Variants in MCC observed in about 807,000 individuals in gnomAD.
The protein encoded by MCC is colorectal mutant cancer protein.
A neutral mutation model predicts 116.2 loss-of-function variants in MCC; 90 were observed. The ratio of observed to expected loss-of-function variants is 0.77; its 90% confidence interval spans 0.65 to 0.92. The LOEUF is 0.92. Ranked by LOEUF, MCC falls within the 40% of genes least tolerant of loss-of-function variation. The pLI, the probability that MCC is intolerant of heterozygous loss-of-function variation, is 0.00. For missense variants in MCC, 1,516 were observed against 1,312.2 expected (o/e 1.16, Z -2.40); for synonymous variants, 578 against 510.5 (o/e 1.13, Z -1.78).
At chr5:113,175,290 C>T (rs1237067962) in intron 3 of MCC, among the ~76,000 whole-genome samples, 1 of 152,182 alleles carries the variant, frequency 6.6e-6, no homozygotes, top group African/African-American at 2.4e-5. Context: ...TTAGAACATA[C>T]TTGAGATGGT....
At chr5:113,169,967 C>T (rs1581194453) in intron 3 of MCC, among the ~76,000 whole-genome samples, 1 of 152,294 alleles carries the variant, frequency 6.6e-6, no homozygotes, top group Non-Finnish European at 1.5e-5. Flanking sequence ...CTTCACATTG[C>T]TTAAATAAAG....
chr5:113,218,641 A>G (rs767347993), intron 3 of MCC, among the ~76,000 whole-genome samples: 6 of 152,212 alleles, frequency 3.9e-5, no homozygotes, highest in African/African-American at 1.4e-4. Flanking sequence ...AGAAAAGCAA[A>G]TAAGTCTCAG....
At chr5:113,433,353 G>C in intron 1 of MCC, 2 of 411,594 alleles carry the variant, frequency 4.9e-6, no homozygotes, top group South Asian at 4.3e-5. Context: ...ACTGCCCCGG[G>C]GACGATGAAA....
At position 113,385,001 on chromosome 5, in the gene MCC, C is replaced by A. The variant is rs552695214; in HGVS notation, c.382G>T (p.Ala128Ser). 3.7e-6 allele frequency: 6 copies of A among 1,614,094 alleles called. No individual in the cohort carries two copies. The highest frequency in any genetic ancestry group is 5.1e-6 in the Non-Finnish European group (6 of 1,180,052). ...TTGTCACTGCTCGTGGGCCAGGAAG[C>A]AATTCTATCCCTCAGCTTCTTTGTA... ...SCTKKLRDRI[A>S]SWPTSSDNSL... Residue 128 changes from alanine to serine, a missense_variant, in exon 2 of 19, where the codon GCT (alanine) becomes TCT (serine). Ala to Ser is a moderately conservative substitution (Grantham distance 99). Transcript: ENST00000408903.
chr5:113,162,221 G>T (rs147820206), intron 3 of MCC, among the ~76,000 whole-genome samples: 1 of 152,282 alleles, frequency 6.6e-6, no homozygotes, highest in African/African-American at 2.4e-5. Context: ...TGAAGAGAAT[G>T]GGAAAGAGAT....
At chr5:113,278,769 C>T (rs988115458) in intron 3 of MCC, among the ~76,000 whole-genome samples, 8 of 152,030 alleles carry the variant, frequency 5.3e-5, no homozygotes, top group Non-Finnish European at 1.0e-4. Context: ...CTGGGTACCT[C>T]GAAATGAAGG....
intron 3 of MCC, among the ~76,000 whole-genome samples, chr5:113,212,583 T>C (rs1231389868): frequency 6.6e-6 from 1 of 152,252 alleles, no homozygotes; most frequent in African/African-American, 2.4e-5. Flanking sequence ...GCCACGTTTA[T>C]TGTACAATGC....
At chr5:113,396,862 A>G (rs10074346) in intron 1 of MCC, among the ~76,000 whole-genome samples, 10,213 of 152,236 alleles carry the variant, frequency 0.067, 747 homozygotes, top group African/African-American at 0.18. Flanking sequence ...CTTTTGATCA[A>G]CCAGAAGCCC....
intron 3 of MCC, among the ~76,000 whole-genome samples, chr5:113,266,992 C>T (rs1181516640): frequency 3.3e-5 from 5 of 152,124 alleles, no homozygotes; most frequent in Admixed American, 2.0e-4. Context: ...TGGCCTCGGG[C>T]AAATAATAAA....
chr5:113,171,593 G>A (rs1189944515), intron 3 of MCC, among the ~76,000 whole-genome samples: 2 of 152,032 alleles, frequency 1.3e-5, no homozygotes, highest in Admixed American at 6.6e-5. Flanking sequence ...GGCCTCAAGT[G>A]ATCAGCCCAT....
rs980892864 is a variant in MCC, at chr5:113,448,044, A to G, written c.170+40201T>C. The G allele has an allele frequency of 2.0e-5, 3 of 152,286 alleles. No individual in the cohort carries two copies. In the East Asian group the frequency reaches 5.8e-4, roughly 29 times the overall value. 9.4% of individuals were successfully genotyped at this position (152,286 alleles called of 1,614,324 possible). On this transcript the variant is annotated intron_variant, in intron 1 of 18. Transcript: ENST00000408903. Reference sequence around the variant, plus strand: ...GAGAAGGGAAAAGAAAATGAGAACTACCTTGGAAACAACAGTATTGAAAGT... The same window carrying G: ...GAGAAGGGAAAAGAAAATGAGAACTGCCTTGGAAACAACAGTATTGAAAGT...
chr5:113,442,369 T>C (rs899070912), intron 1 of MCC, among the ~76,000 whole-genome samples: 3 of 152,208 alleles, frequency 2.0e-5, no homozygotes, highest in African/African-American at 7.2e-5. Context: ...TGTAAATTTG[T>C]TTAAGTTCTT....
At chr5:113,480,858 T>C (rs986761466) in intron 1 of MCC, among the ~76,000 whole-genome samples, 1 of 152,178 alleles carries the variant, frequency 6.6e-6, no homozygotes, top group African/African-American at 2.4e-5. Flanking sequence ...CACTGCAGCC[T>C]TGACCTCCCA....
At chr5:113,415,587 G>A (rs1456860195) in intron 1 of MCC, among the ~76,000 whole-genome samples, 2 of 152,212 alleles carry the variant, frequency 1.3e-5, no homozygotes, top group South Asian at 2.1e-4. Flanking sequence ...CATGCGTCAC[G>A]TAGTTCTCGT....
chr5:113,063,873 G>T, intron 14 of MCC, 111 bp downstream of exon 14: 1 of 1,193,638 alleles, frequency 8.4e-7, no homozygotes, highest in Non-Finnish European at 1.2e-6. Flanking sequence ...AGCCATGTCT[G>T]CCTTTTCCCA....
intron 1 of MCC, among the ~76,000 whole-genome samples, chr5:113,477,501 G>T (rs547885413): frequency 1.9e-4 from 29 of 152,114 alleles, no homozygotes; most frequent in Non-Finnish European, 3.8e-4. Context: ...TGAGTAAAGG[G>T]CAACAAGCAA....
chr5:113,352,425 AT>A (rs1361906625), intron 2 of MCC, among the ~76,000 whole-genome samples: 2 of 151,710 alleles, frequency 1.3e-5, no homozygotes, highest in Admixed American at 1.3e-4. Context: ...ATCTTCCCAT[AT>A]TTTTTCCTCT....
At chr5:113,414,021 T>C (rs154040) in intron 1 of MCC, among the ~76,000 whole-genome samples, 95,587 of 152,018 alleles carry the variant, frequency 0.63, 32,718 homozygotes, top group African/African-American at 0.91. Context: ...GCCTTCATTT[T>C]GTTATTTACC....
Position 113,488,251 on chromosome 5 carries a change from A to G in MCC, c.164T>C (p.Ile55Thr). 6.3e-7 allele frequency: 1 copy of G among 1,594,106 alleles called. No homozygotes were observed. The highest frequency in any genetic ancestry group is 8.5e-7 in the Non-Finnish European group (1 of 1,171,152). The part of the protein sequence containing the change: ...QTCDGDGDGY[I>T]SRNDLLMVCR... Reference sequence around the variant, plus strand: ...CTCGTACCTCCCCGCGTACCTGCTGATGTATCCGTCCCCGTCGCCGTCGCA... The same window carrying G: ...CTCGTACCTCCCCGCGTACCTGCTGGTGTATCCGTCCCCGTCGCCGTCGCA... Residue 55 changes from isoleucine to threonine, a missense_variant, in exon 1 of 19, where the codon ATC (isoleucine) becomes ACC (threonine). By Grantham distance (89) the Ile-to-Thr change is moderately conservative. Transcript: ENST00000408903.
Sources: allele counts gnomAD v4.1 joint callset (sites outside exome capture counted in the v4.1 genomes callset), GRCh38; gene constraint gnomAD v4.1.1; transcripts MANE v1.5; gene names NCBI Gene and HGNC (gene_info 2026-07-23, HGNC 2026-07-21).